The following ANKS1A variants were observed in gnomAD, a reference collection of about 807,000 sequenced individuals.
ANKS1A encodes ankyrin repeat and SAM domain-containing protein 1A.
Under a neutral mutation model 120.3 loss-of-function variants are expected in ANKS1A, and 55 were observed. The ratio of observed to expected loss-of-function variants is 0.46; its 90% CI spans 0.37 to 0.57. The LOEUF is 0.57. Ranked by LOEUF, ANKS1A falls within the 20% of genes least tolerant of loss-of-function variation. The pLI, the probability that ANKS1A is intolerant of heterozygous loss-of-function variation, is 0.00. For synonymous variants in ANKS1A, 590 were observed against 604.7 expected (o/e 0.98, Z 0.36); for missense variants, 1,123 against 1,480.3 (o/e 0.76, Z 3.96).
chr6:35,072,257 G>A lies in ANKS1A; in HGVS notation c.2185-6301G>A, dbSNP rs146567687. 6.1e-3 allele frequency among the ~76,000 whole-genome samples: 936 copies of A among 152,342 alleles called. 8 individuals are homozygous for A. The highest frequency in any genetic ancestry group is 0.027 in the Middle Eastern group (8 of 294). On this transcript the variant is annotated intron_variant, in intron 13 of 23. Transcript: ENST00000360359. ...CTCCTGCCTCCTGCTCTCCCAGGAC[G>A]CCCGGGGCCGACCCGGGCCGACCCT...
chr6:35,095,373 G>A (rs1441797323), downstream of ANKS1A, among the ~76,000 whole-genome samples: 1 of 151,756 alleles, frequency 6.6e-6, no homozygotes, highest in African/African-American at 2.4e-5. Context: ...AAGAGTTCGA[G>A]ACCAGCCTGG....
In ANKS1A at chr6:34,979,134, A is replaced by T. The variant is rs559692475; in HGVS notation, c.436-2556A>T. Among the ~76,000 whole-genome samples the T allele has an allele frequency of 5.3e-5, 8 of 152,088 alleles. No homozygotes were observed. The South Asian group carries it at 1.5e-3, about 28-fold the overall frequency. On this transcript the variant is annotated intron_variant, in intron 3 of 23. Coordinates refer to ENST00000360359, the MANE Select transcript of ANKS1A (RefSeq NM_015245.3). ...ATGGTCTCGATCTCATGACCTCGTG[A>T]TCCGCCTGCCTCAGCCTTCCAAAGT...
chr6:35,000,444 C>T (rs1234840110), intron 10 of ANKS1A, among the ~76,000 whole-genome samples: 7 of 133,834 alleles, frequency 5.2e-5, no homozygotes, highest in Non-Finnish European at 4.8e-5. Context: ...AGTCCACAGA[C>T]GTAAAGAAAG....
intron 1 of ANKS1A, among the ~76,000 whole-genome samples, chr6:34,938,966 C>T (rs1258025335): frequency 2.0e-5 from 3 of 152,128 alleles, no homozygotes; most frequent in Admixed American, 6.5e-5. Flanking sequence ...CCAGCCTGGG[C>T]GACAGAGCGA....
the ANKS1A span, among the ~76,000 whole-genome samples, chr6:35,097,005 T>C: frequency 6.6e-6 from 1 of 151,120 alleles, no homozygotes; most frequent in Non-Finnish European, 1.5e-5. Context: ...GGTGTTGAGA[T>C]AACACTCTCT....
intron 13 of ANKS1A, among the ~76,000 whole-genome samples, chr6:35,067,848 T>C (rs974990537): frequency 5.3e-5 from 8 of 150,792 alleles, no homozygotes; most frequent in African/African-American, 2.0e-4. Context: ...GATAGACTTA[T>C]GGGTAGCTTT....
intron 9 of ANKS1A, 124 bp from the exon 10 acceptor site, chr6:34,994,178 C>A: frequency 7.9e-7 from 1 of 1,270,708 alleles, no homozygotes; most frequent in Non-Finnish European, 1.1e-6. Context: ...TTGAATTATT[C>A]ACCTTCTCTT....
At chr6:35,039,099 G>GT (rs1036146427) in intron 11 of ANKS1A, among the ~76,000 whole-genome samples, 168 of 151,138 alleles carry the variant, frequency 1.1e-3, no homozygotes, top group Non-Finnish European at 2.2e-3. Context: ...TGTGGGGGGG[G>GT]GTTATATGCA....
chr6:34,952,785 T>C (rs146195885), intron 1 of ANKS1A, among the ~76,000 whole-genome samples: 1,947 of 152,082 alleles, frequency 0.013, 43 homozygotes, highest in African/African-American at 0.044. Context: ...TCTCAGCTTA[T>C]TGTAACCTCC....
Position 34,889,521 on chromosome 6 carries a change from C to T in ANKS1A, c.119C>T (p.Ser40Phe). The change falls in exon 1 of 24, where the codon TCT (serine) becomes TTT (phenylalanine). Residue 40 changes from serine to phenylalanine, a missense_variant. By Grantham distance (155) the Ser-to-Phe change is radical. This residue lies in a region of ANKS1A where 73 missense variants were observed against 82.2 expected (regional missense o/e 0.89). Coordinates refer to ENST00000360359, the MANE Select transcript of ANKS1A (RefSeq NM_015245.3). The surrounding 1 kb of genome is among the most constrained non-coding windows in gnomAD (Gnocchi z 5.5). ...TTTGGGGGCGGCGGCGGCGGTGGCT[C>T]TGGGGGCGGCGGCGGCGGCAGCGGC... is the stretch of plus-strand genomic sequence containing the variant. ...SGFGGGGGGG[S>F]GGGGGGSGGG... 5 of 1,267,186 alleles carry T rather than the reference C, an allele frequency of 3.9e-6. No homozygotes were observed. Among genetic ancestry groups the T allele is most frequent in the Non-Finnish European group, 4.9e-6 (5 of 1,017,874 alleles). The allele number at this position is 1,267,186 out of a possible 1,614,324, so 78.5% of individuals were successfully genotyped here.
In ANKS1A at chr6:35,044,480, C is replaced by T. The variant is rs1311953083; in HGVS notation, c.2011-9619C>T. Among the ~76,000 whole-genome samples, 1 of 152,226 alleles carries T rather than the reference C, an allele frequency of 6.6e-6. No homozygotes were observed. Among genetic ancestry groups the T allele is most frequent in the Non-Finnish European group, 1.5e-5 (1 of 68,036 alleles). On this transcript the variant is annotated intron_variant, in intron 11 of 23. Transcript: ENST00000360359. This position sits in a 1 kb window ranked among gnomAD's most constrained non-coding sequence, Gnocchi z 4.4. Reference sequence around the variant, plus strand: ...TGAGGTGAGGGAGTAGAGGCAGGCCCACAGCCTGCATGAGAAGGAGCAGGC... The same window carrying T: ...TGAGGTGAGGGAGTAGAGGCAGGCCTACAGCCTGCATGAGAAGGAGCAGGC...
rs757892671 is a variant in ANKS1A, at chr6:35,079,595, T to A, written c.2363T>A (p.Val788Asp). Reference protein sequence around the residue: ...WLDSLGLQDYVHSFLSSGYSS... With the variant: ...WLDSLGLQDYDHSFLSSGYSS... ...GACTCCCTGGGGCTGCAGGACTACG[T>A]CCATTCCTTCTTGTCAAGTGGTTAC... The change falls in exon 15 of 24, where the codon GTC becomes GAC. Residue 788 changes from valine (V) to aspartate (D), a missense_variant. Around this residue, in one of 3 missense-constraint regions of ANKS1A, gnomAD observed 904 missense variants for 1,130.4 expected, o/e 0.80. Transcript: ENST00000360359. 12 of 1,614,046 alleles carry A rather than the reference T, an allele frequency of 7.4e-6. No individual in the cohort carries two copies. The highest frequency in any genetic ancestry group is 6.7e-5 in the Admixed American group (4 of 60,010).
At chr6:35,006,458 G>C (rs1036131781) in intron 10 of ANKS1A, among the ~76,000 whole-genome samples, 1 of 151,744 alleles carries the variant, frequency 6.6e-6, no homozygotes, top group Admixed American at 6.6e-5. Context: ...TTGTATGCTT[G>C]TATCAAAACA....
At position 34,889,516 on chromosome 6, in the gene ANKS1A, TGGCTCTGGGGGCGGCGGCGGCGGCAGC is replaced by T. The variant is rs772759690; in HGVS notation, c.118_144del (p.Ser40_Gly48del). 2 of 1,271,146 alleles carry T rather than the reference TGGCTCTGGGGGCGGCGGCGGCGGCAGC, an allele frequency of 1.6e-6. No homozygotes were observed. The highest frequency in any genetic ancestry group is 4.2e-5 in the Admixed American group (1 of 23,742). 78.7% of individuals were successfully genotyped at this position (1,271,146 alleles called of 1,614,324 possible). ...CAGGCTTTGGGGGCGGCGGCGGCGGTGGCTCTGGGGGCGGCGGCGGCGGCAGCGGCGGCGGCGGCGGCGGCCTCGGCT... is the reference window on the plus strand; with the variant it reads ...CAGGCTTTGGGGGCGGCGGCGGCGGTGGCGGCGGCGGCGGCGGCCTCGGCT... On this transcript the variant is annotated inframe_deletion, in exon 1 of 24. Coordinates refer to ENST00000360359, the MANE Select transcript of ANKS1A (RefSeq NM_015245.3). This position sits in a 1 kb window ranked among gnomAD's most constrained non-coding sequence, Gnocchi z 5.5.
intron 1 of ANKS1A, among the ~76,000 whole-genome samples, chr6:34,901,016 G>A (rs114700977): frequency 0.022 from 3,335 of 152,216 alleles, 48 homozygotes; most frequent in Middle Eastern, 0.037. Flanking sequence ...AGGTGCACGT[G>A]TTCATGAATT....
chr6:35,017,500 G>A lies in ANKS1A; in HGVS notation c.1451G>A (p.Ser484Asn). Reference sequence around the variant, plus strand: ...CACAGGCGGAGCAGCAGCAGCCGGAGCCAGGACTCTGCGGAGGGGCAGGAC... The same window carrying A: ...CACAGGCGGAGCAGCAGCAGCCGGAACCAGGACTCTGCGGAGGGGCAGGAC... ...KDHRRSSSSRSQDSAEGQDGQ... is the reference protein window; with the variant it reads ...KDHRRSSSSRNQDSAEGQDGQ... The change falls in exon 11 of 24, where the codon AGC becomes AAC. Residue 484 changes from serine to asparagine, a missense_variant. Physicochemically the swap from Ser to Asn is conservative, Grantham distance 46. Coordinates refer to ENST00000360359, the MANE Select transcript of ANKS1A (RefSeq NM_015245.3). 4 of 1,613,030 alleles carry A rather than the reference G, an allele frequency of 2.5e-6. No individual in the cohort carries two copies. The highest frequency in any genetic ancestry group is 3.4e-6 in the Non-Finnish European group (4 of 1,179,410).
At chr6:34,998,323 C>T (rs958151397) in intron 10 of ANKS1A, among the ~76,000 whole-genome samples, 5 of 143,916 alleles carry the variant, frequency 3.5e-5, no homozygotes, top group African/African-American at 1.3e-4. Flanking sequence ...TTAACCCCTC[C>T]TTAGTATAAT....
intron 8 of ANKS1A, among the ~76,000 whole-genome samples, chr6:34,985,528 G>A (rs11969574): frequency 1.2e-4 from 18 of 152,258 alleles, no homozygotes; most frequent in African/African-American, 3.9e-4. Context: ...GCATCTTTAC[G>A]TGACTTCATT....
chr6:35,000,203 A>T (rs1248146123), intron 10 of ANKS1A, among the ~76,000 whole-genome samples: 1 of 151,940 alleles, frequency 6.6e-6, no homozygotes, highest in Admixed American at 6.6e-5. Context: ...AGTAACCCGC[A>T]GATGGCCCAG....
Sources: gnomAD v4.1 joint callset for allele counts (sites outside exome capture counted in the v4.1 genomes callset) on GRCh38, gnomAD v4.1.1 for gene constraint, gnomAD v4.1.1 regional missense constraint, Gnocchi (gnomAD v3.1) non-coding constraint, MANE v1.5 for transcripts, NCBI Gene and HGNC (gene_info 2026-07-23, HGNC 2026-07-21) for gene names.